Variants in HYDIN observed in about 807,000 individuals in gnomAD.
HYDIN encodes the protein HYDIN axonemal central pair apparatus protein.
In HYDIN, 132 loss-of-function variants were observed where a neutral mutation model predicts 403.9. The ratio of observed to expected loss-of-function variants is 0.33; its 90% CI spans 0.28 to 0.38. The LOEUF (loss-of-function observed/expected upper bound fraction) is 0.38, where lower values mean the gene tolerates loss of function less well. Ranked by LOEUF, HYDIN falls within the 10% of genes least tolerant of loss-of-function variation. HYDIN has a pLI of 1.00. For missense variants in HYDIN, 2,827 were observed against 5,009.5 expected, an observed-to-expected ratio of 0.56 and a Z score of 13.15; for synonymous variants, 1,202 against 1,891.7, an observed-to-expected ratio of 0.64 and a Z score of 9.46.
intron 18 of HYDIN, among the ~76,000 whole-genome samples, chr16:71,051,517 G>A (rs577453333): frequency 1.4e-4 from 22 of 152,034 alleles, no homozygotes; most frequent in African/African-American, 5.1e-4. Context: ...GTGGTGGCGG[G>A]CGCCTGTAGT....
At chr16:70,858,967 T>A (rs75495215) in intron 71 of HYDIN, among the ~76,000 whole-genome samples, 27 of 146,682 alleles carry the variant, frequency 1.8e-4, no homozygotes, top group Admixed American at 2.0e-4. Context: ...AAAAAAAAAA[T>A]GAACTAGCTA....
intron 52 of HYDIN, among the ~76,000 whole-genome samples, chr16:70,902,745 T>C (rs1184884285): frequency 2.1e-5 from 3 of 146,198 alleles, no homozygotes; most frequent in Non-Finnish European, 3.0e-5. Context: ...CTTGGAACTA[T>C]AAGTTTTTGC....
rs540698774 is a variant in HYDIN, at chr16:71,225,142, T to C, written c.-24+5420A>G. ...TGATTTTCTGAGAAGTGGAACAGCA[T>C]GAGAGCTCTGAAGTTGAATGAGAAA... On this transcript the variant is annotated intron_variant, in intron 1 of 85. Transcript: ENST00000393567. Among the ~76,000 whole-genome samples, 15 of 152,296 alleles carry C rather than the reference T, an allele frequency of 9.8e-5. No homozygotes were observed. The South Asian group carries it at 3.1e-3, about 32-fold the overall frequency.
chr16:71,067,413 T>C (rs570991014), intron 14 of HYDIN, 23 bp from the exon 15 acceptor site: 15 of 1,567,200 alleles, frequency 9.6e-6, no homozygotes, highest in African/African-American at 1.4e-5. Flanking sequence ...AGGTGACAAG[T>C]TGGTCTTCGA....
At chr16:71,184,266 T>C (rs901642561) in intron 3 of HYDIN, among the ~76,000 whole-genome samples, 1 of 152,148 alleles carries the variant, frequency 6.6e-6, no homozygotes, top group African/African-American at 2.4e-5. Context: ...TGGAGGTTCA[T>C]ACCATAATTT....
chr16:71,023,164 G>C (rs1432941824), intron 21 of HYDIN, among the ~76,000 whole-genome samples: 2 of 151,964 alleles, frequency 1.3e-5, no homozygotes, highest in Non-Finnish European at 2.9e-5. Context: ...ATTTAAAATA[G>C]AGCAATAAAG....
chr16:71,004,851 C>A (rs1398396), intron 23 of HYDIN, among the ~76,000 whole-genome samples: 1 of 150,774 alleles, frequency 6.6e-6, no homozygotes, highest in Admixed American at 6.6e-5. Context: ...CAGGACTTAG[C>A]GGGTTCTTAA....
chr16:71,047,305 C>T (rs1022408065), intron 18 of HYDIN, among the ~76,000 whole-genome samples: 7 of 152,078 alleles, frequency 4.6e-5, no homozygotes, highest in Admixed American at 4.6e-4. Context: ...GGTGCTGACC[C>T]ATCATCATGT....
intron 13 of HYDIN, among the ~76,000 whole-genome samples, chr16:71,074,236 A>G (rs978244492): frequency 2.0e-5 from 3 of 151,092 alleles, no homozygotes; most frequent in African/African-American, 4.9e-5. Flanking sequence ...TATTCCTCCA[A>G]TTCTTGGCTT....
intron 18 of HYDIN, among the ~76,000 whole-genome samples, chr16:71,043,840 G>C (rs1187649535): frequency 6.0e-5 from 9 of 150,954 alleles, no homozygotes; most frequent in Non-Finnish European, 1.0e-4. Flanking sequence ...TGTAATCCCA[G>C]CACTTTGGGA....
At chr16:71,133,435 T>C in intron 8 of HYDIN, among the ~76,000 whole-genome samples, 1 of 152,256 alleles carries the variant, frequency 6.6e-6, no homozygotes. Flanking sequence ...AAGGGGCCTC[T>C]AAACATAACT....
At chr16:70,977,971 T>C (rs2078935329) in intron 30 of HYDIN, among the ~76,000 whole-genome samples, 2 of 152,028 alleles carry the variant, frequency 1.3e-5, no homozygotes, top group Admixed American at 1.3e-4. Flanking sequence ...GTGATTGCAA[T>C]GATCATCTGA....
chr16:70,900,907 G>C, intron 53 of HYDIN, 97 bp downstream of exon 53: 1 of 491,624 alleles, frequency 2.0e-6, no homozygotes, highest in Admixed American at 3.4e-5. Flanking sequence ...ATGTAACAGG[G>C]AGACCTCTGT....
At chr16:70,834,956 A>G (rs2037294973) in intron 78 of HYDIN, among the ~76,000 whole-genome samples, 1 of 143,610 alleles carries the variant, frequency 7.0e-6, no homozygotes, top group South Asian at 2.1e-4. Flanking sequence ...ATATGTATAT[A>G]TATACACACA....
At chr16:70,871,380 C>T (rs75017342) in intron 65 of HYDIN, among the ~76,000 whole-genome samples, 3 of 152,092 alleles carry the variant, frequency 2.0e-5, no homozygotes, top group Admixed American at 6.5e-5. Flanking sequence ...TGGGGTGTGC[C>T]AGTGCTCTGG....
At chr16:70,859,291 ACT>A (rs964492460) in intron 71 of HYDIN, among the ~76,000 whole-genome samples, 5 of 151,706 alleles carry the variant, frequency 3.3e-5, no homozygotes, top group African/African-American at 7.3e-5. Flanking sequence ...ACAGAGCAAG[ACT>A]CTGTCTCAAA....
rs1463638926 is a variant in HYDIN at position 70,862,121 on chromosome 16, C to G, written c.11704G>C (p.Gly3902Arg). ...TTTACTTTGAACTTCTGAATCTTCC[C>G]CACCGGCACGATTCCCGAAGAGGGC... ...VEPSSGIVPV[G>R]KIQKFKVKFS... The change falls in exon 69 of 86, where the codon GGG (glycine) becomes CGG (arginine). Residue 3902 changes from glycine to arginine, a missense_variant. Transcript: ENST00000393567. The G allele has an allele frequency of 1.2e-6, 2 of 1,612,228 alleles. No homozygotes were observed. Among genetic ancestry groups the G allele is most frequent in the South Asian group, 1.1e-5 (1 of 90,586 alleles).
chr16:70,911,930 A>G (rs2076708710), intron 47 of HYDIN, among the ~76,000 whole-genome samples: 2 of 150,816 alleles, frequency 1.3e-5, no homozygotes, highest in Non-Finnish European at 2.9e-5. Flanking sequence ...GTTGGTGTAT[A>G]GAAGAGCTAC....
intron 20 of HYDIN, among the ~76,000 whole-genome samples, chr16:71,026,151 C>T (rs1178008276): frequency 6.6e-6 from 1 of 152,380 alleles, no homozygotes; most frequent in African/African-American, 2.4e-5. Flanking sequence ...CCACCCACCT[C>T]GGCCTCCCAA....
Sources: gnomAD v4.1 joint callset for allele counts (sites outside exome capture counted in the v4.1 genomes callset) on GRCh38, gnomAD v4.1.1 for gene constraint, MANE v1.5 for transcripts, NCBI Gene and HGNC (gene_info 2026-07-23, HGNC 2026-07-21) for gene names.